Variants in MAX observed in about 807,000 individuals in gnomAD.
MAX encodes protein max.
MAX carries 3 observed loss-of-function variants against 22.3 expected under a neutral mutation model. The observed-to-expected ratio is 0.13, with a 90% CI of 0.06 to 0.35. The LOEUF (loss-of-function observed/expected upper bound fraction) is 0.35, where lower values mean the gene tolerates loss of function less well. Ranked by LOEUF, MAX falls within the 10% of genes least tolerant of loss-of-function variation. MAX has a pLI of 1.00. For synonymous variants in MAX, 72 were observed against 77.7 expected, an observed-to-expected ratio of 0.93 and a Z score of 0.39; for missense variants, 119 against 209.4, an observed-to-expected ratio of 0.57 and a Z score of 2.66.
intron 3 of MAX, among the ~76,000 whole-genome samples, chr14:65,041,401 G>A (rs2062349774): frequency 6.6e-6 from 1 of 152,122 alleles, no homozygotes. Flanking sequence ...TGGACCCCAC[G>A]CTCCTGGCCA....
rs191879155 is a variant in MAX at position 65,042,426 on chromosome 14, G to T, written c.172-36142C>A. Among the ~76,000 whole-genome samples the T allele has an allele frequency of 2.8e-4, 42 of 152,290 alleles. 3 individuals carry two copies. The highest frequency in any genetic ancestry group is 2.3e-3 in the Admixed American group (35 of 15,298). On this transcript the variant is annotated intron_variant, in intron 3 of 3. Coordinates refer to the MAX transcript ENST00000341653. ...ACTCTCATGTAGAGCGTGCAACCTA[G>T]AAGCCTGGCATACACGGTTCACAGT... is the stretch of plus-strand genomic sequence containing the variant.
chr14:65,068,262 C>T (rs1189186027), intron 3 of MAX, among the ~76,000 whole-genome samples: 3 of 151,944 alleles, frequency 2.0e-5, no homozygotes, highest in Admixed American at 6.5e-5. Flanking sequence ...TGATGAAACC[C>T]CATAGCAACT....
At chr14:65,039,359 C>T (rs2062291114) in intron 3 of MAX, among the ~76,000 whole-genome samples, 1 of 152,156 alleles carries the variant, frequency 6.6e-6, no homozygotes, top group Non-Finnish European at 1.5e-5. Flanking sequence ...GTACAGTGCT[C>T]CCTCCTCCTC....
chr14:65,053,618 C>CTT (rs1272608271), intron 3 of MAX, among the ~76,000 whole-genome samples: 2 of 140,520 alleles, frequency 1.4e-5, no homozygotes, highest in Non-Finnish European at 3.1e-5. Flanking sequence ...GATAACTCTT[C>CTT]TTTTTTTTAA....
chr14:65,037,836 G>A (rs1039694075), intron 3 of MAX, among the ~76,000 whole-genome samples: 5 of 149,722 alleles, frequency 3.3e-5, no homozygotes, highest in South Asian at 2.1e-4. Flanking sequence ...GCTGGAGTGC[G>A]GTGGTGCAGA....
downstream of MAX, among the ~76,000 whole-genome samples, chr14:65,071,120 C>T (rs575592300): frequency 5.3e-4 from 80 of 151,962 alleles, no homozygotes; most frequent in Non-Finnish European, 9.3e-4. The surrounding 1 kb of genome is among the most constrained non-coding windows in gnomAD (Gnocchi z 4.2). Flanking sequence ...ATTACATCAG[C>T]GAAAAGGAGA....
At chr14:65,074,089 T>C (rs1480204324), downstream of MAX, among the ~76,000 whole-genome samples, 1 of 152,184 alleles carries the variant, frequency 6.6e-6, no homozygotes, top group Non-Finnish European at 1.5e-5. Context: ...CATCTCTGCA[T>C]CAACATGGCT....
chr14:65,063,784 C>T lies in MAX; in HGVS notation c.171+29924G>A, dbSNP rs566683789. On this transcript the variant is annotated intron_variant, in intron 3 of 3. Coordinates refer to the MAX transcript ENST00000341653. ...TTCACCACGTTGCCCAAGCTGGTCT[C>T]GAGCTCCTGGGCTCAAGCAATCTTC... Among the ~76,000 whole-genome samples, 245 of 152,316 alleles carry T rather than the reference C, an allele frequency of 1.6e-3. 1 individual carries two copies. Among genetic ancestry groups the T allele is most frequent in the African/African-American group, 5.4e-3 (224 of 41,556 alleles).
At chr14:65,025,222 A>G (rs1315944645) in intron 3 of MAX, among the ~76,000 whole-genome samples, 1 of 152,160 alleles carries the variant, frequency 6.6e-6, no homozygotes, top group African/African-American at 2.4e-5. Flanking sequence ...TTCAGATCCT[A>G]ACTAATTCGA....
At chr14:65,037,414 T>C (rs1206924983) in intron 3 of MAX, among the ~76,000 whole-genome samples, 3 of 90,286 alleles carry the variant, frequency 3.3e-5, no homozygotes, top group Admixed American at 1.3e-4. Context: ...TTTTTTTTTT[T>C]TTTTTTTTTT....
intron 3 of MAX, chr14:65,083,988 A>T (rs1360354777): frequency 2.7e-6 from 4 of 1,466,496 alleles, no homozygotes; most frequent in Non-Finnish European, 2.7e-6. Flanking sequence ...ATGCCAGCAA[A>T]GGAGGCTGGA....
At chr14:65,067,283 A>G (rs1661372490) in intron 3 of MAX, among the ~76,000 whole-genome samples, 1 of 152,190 alleles carries the variant, frequency 6.6e-6, no homozygotes, top group East Asian at 1.9e-4. Context: ...CCACAGACCC[A>G]TTAGTCAGTT....
At chr14:65,045,437 A>T (rs1253986900) in intron 3 of MAX, among the ~76,000 whole-genome samples, 1 of 96,640 alleles carries the variant, frequency 1.0e-5, no homozygotes, top group Admixed American at 1.5e-4. Flanking sequence ...CGCCCCCGAG[A>T]TGGAGTCGTG....
chr14:65,018,267 C>T (rs1345827798), intron 3 of MAX, among the ~76,000 whole-genome samples: 1 of 152,100 alleles, frequency 6.6e-6, no homozygotes, highest in African/African-American at 2.4e-5. Flanking sequence ...GGGTTTGAGG[C>T]TGCAGTGAGC....
rs2139740043 is a variant in MAX at position 65,076,547 on chromosome 14, A to G, written c.412T>C (p.Ser138Pro). ...GSTISAFDGG[S>P]DSSSESEPEE... ...GGCTCAGACTCCGAGCTGGAGTCCG[A>G]GCCCCCATCGAAGGCAGAGATGGTG... Residue 138 changes from serine to proline, a missense_variant, in exon 5 of 5, where the codon TCG (serine) becomes CCG (proline). Ser to Pro is a moderately conservative substitution (Grantham distance 74). Transcript: ENST00000358664. The surrounding 1 kb of genome is among the most constrained non-coding windows in gnomAD (Gnocchi z 6.6). 2 of 1,613,954 alleles carry G rather than the reference A, an allele frequency of 1.2e-6. No individual in the cohort carries two copies. The highest frequency in any genetic ancestry group is 1.7e-6 in the Non-Finnish European group (2 of 1,180,012).
At chr14:65,099,176 A>G (rs1029965169) in intron 2 of MAX, among the ~76,000 whole-genome samples, 5 of 152,196 alleles carry the variant, frequency 3.3e-5, no homozygotes, top group Admixed American at 6.5e-5. Context: ...TTTACCCTAC[A>G]CAGTCACAAT....
At chr14:65,018,971 G>A (rs369429698) in intron 3 of MAX, among the ~76,000 whole-genome samples, 3 of 151,886 alleles carry the variant, frequency 2.0e-5, no homozygotes, top group Non-Finnish European at 4.4e-5. Context: ...TTAGCCAAGC[G>A]TGGTGGCGCA....
rs530143984 is a variant in MAX, at chr14:65,007,861, C to T, written c.172-1577G>A. Among the ~76,000 whole-genome samples, 9 of 152,266 alleles carry T rather than the reference C, an allele frequency of 5.9e-5. No homozygotes were observed. Among genetic ancestry groups the T allele is most frequent in the South Asian group, 4.1e-4 (2 of 4,828 alleles). On this transcript the variant is annotated intron_variant, in intron 3 of 3. Coordinates refer to the MAX transcript ENST00000341653. This position sits in a 1 kb window ranked among gnomAD's most constrained non-coding sequence, Gnocchi z 4.9. ...ATTTGTTTTCTCCTGGGCAAGGAGA[C>T]GGGTGCTCCTCAGAAGTGAGAAATA... is the stretch of plus-strand genomic sequence containing the variant.
chr14:65,099,017 T>C (rs551050634), intron 2 of MAX, among the ~76,000 whole-genome samples: 1 of 152,354 alleles, frequency 6.6e-6, no homozygotes, highest in African/African-American at 2.4e-5. Flanking sequence ...TATTTGGTTG[T>C]TCACAGTCCA....
Sources: allele counts gnomAD v4.1 joint callset (sites outside exome capture counted in the v4.1 genomes callset), GRCh38; gene constraint gnomAD v4.1.1; non-coding constraint Gnocchi (gnomAD v3.1); transcripts MANE v1.5; gene names NCBI Gene and HGNC (gene_info 2026-07-23, HGNC 2026-07-21).